Variants in ADK observed in about 807,000 individuals in gnomAD.
ADK encodes the protein N6,N6-dimethyladenosine kinase.
In ADK, 24 loss-of-function variants were observed where a neutral mutation model predicts 44.7. The ratio of observed to expected loss-of-function variants is 0.54; its 90% CI spans 0.39 to 0.76. The LOEUF (loss-of-function observed/expected upper bound fraction) is 0.76, where lower values mean the gene tolerates loss of function less well. Ranked by LOEUF, ADK falls within the 30% of genes least tolerant of loss-of-function variation. ADK has a pLI of 0.00. For synonymous variants in ADK, 128 were observed against 142.6 expected, an observed-to-expected ratio of 0.90 and a Z score of 0.73; for missense variants, 321 against 425.1, an observed-to-expected ratio of 0.76 and a Z score of 2.15.
At chr10:74,523,729 A>G (rs530648461) in intron 6 of ADK, among the ~76,000 whole-genome samples, 2 of 152,338 alleles carry the variant, frequency 1.3e-5, no homozygotes, top group East Asian at 1.9e-4. Flanking sequence ...TATTAATGGT[A>G]GAACCAGATT....
At chr10:74,336,830 T>C (rs1175186078) in intron 4 of ADK, among the ~76,000 whole-genome samples, 2 of 152,136 alleles carry the variant, frequency 1.3e-5, no homozygotes, top group Non-Finnish European at 2.9e-5. Flanking sequence ...CTATAAATGC[T>C]AAGTAAATAC....
chr10:74,223,817 G>A lies in ADK; in HGVS notation c.141-721G>A, dbSNP rs1382398084. ...AACTCCAAAACTTGAGGCCGGGTAC[G>A]GTGACTCATGCCAGTAATCCCAGCA... is the stretch of plus-strand genomic sequence containing the variant. On this transcript the variant is annotated intron_variant, in intron 2 of 10. Coordinates refer to ENST00000539909, the MANE Select transcript of ADK (RefSeq NM_006721.4). Among the ~76,000 whole-genome samples the A allele has an allele frequency of 4.6e-5, 7 of 152,186 alleles. No individual in the cohort carries two copies. The East Asian group carries it at 9.7e-4, about 21-fold the overall frequency.
At chr10:74,594,671 TAAA>T (rs10709030) in intron 8 of ADK, among the ~76,000 whole-genome samples, 10 of 131,442 alleles carry the variant, frequency 7.6e-5, no homozygotes, top group African/African-American at 1.6e-4. Context: ...TACAAATAGG[TAAA>T]AAAAAAAAAA....
chr10:74,296,403 A>G (rs1272606628), intron 3 of ADK, among the ~76,000 whole-genome samples: 1 of 152,142 alleles, frequency 6.6e-6, no homozygotes, highest in Non-Finnish European at 1.5e-5. Context: ...GCAGTAAAAC[A>G]TATGAAAGGA....
At chr10:74,538,836 C>T (rs1420421817) in intron 7 of ADK, among the ~76,000 whole-genome samples, 1 of 152,044 alleles carries the variant, frequency 6.6e-6, no homozygotes, top group Non-Finnish European at 1.5e-5. Context: ...TAATTTGAAA[C>T]CATCAATTCT....
rs111416987 is a variant in ADK at position 74,249,714 on chromosome 10, A to G, written c.194+25123A>G. Among the ~76,000 whole-genome samples the G allele has an allele frequency of 1.6e-4, 24 of 152,328 alleles. 2 individuals are homozygous for G. The highest frequency in any genetic ancestry group is 5.1e-4 in the African/African-American group (21 of 41,578). ...TAGAATCTTGCTCTTAGATACACAG[A>G]TATGTGTGATGTTTAAATAGTTGAG... On this transcript the variant is annotated intron_variant, in intron 3 of 10. Coordinates refer to ENST00000539909, the MANE Select transcript of ADK (RefSeq NM_006721.4).
At chr10:74,215,499 T>G (rs1843978252) in intron 2 of ADK, among the ~76,000 whole-genome samples, 1 of 151,386 alleles carries the variant, frequency 6.6e-6, no homozygotes, top group East Asian at 2.0e-4. Context: ...TTAGTAGAGA[T>G]GGGGTTTTGC....
intron 2 of ADK, among the ~76,000 whole-genome samples, 184 bp downstream of exon 2, chr10:74,201,022 G>A (rs1281544693): frequency 6.6e-6 from 1 of 152,126 alleles, no homozygotes; most frequent in East Asian, 1.9e-4. Flanking sequence ...TTTTCCTTGG[G>A]AAAACTTATA....
chr10:74,340,353 ATAATTTTTGAG>A (rs1237310521), intron 4 of ADK, among the ~76,000 whole-genome samples: 2 of 152,102 alleles, frequency 1.3e-5, no homozygotes, highest in African/African-American at 2.4e-5. Flanking sequence ...ATATTCCCAT[ATAATTTTTGAG>A]TAGTATGACA....
rs144903627 is a variant in ADK at position 74,437,717 on chromosome 10, A to T, written c.555+39138A>T. On this transcript the variant is annotated intron_variant, in intron 6 of 10. Coordinates refer to ENST00000539909, the MANE Select transcript of ADK (RefSeq NM_006721.4). The stretch of plus-strand genomic sequence containing the variant: ...ACAGAATAGCTGGAGTGGCCTTTTA[A>T]AAATGCAAACCAGCATAAAACATTT... Among the ~76,000 whole-genome samples the T allele has an allele frequency of 6.1e-4, 93 of 152,334 alleles. 1 individual carries two copies. Among genetic ancestry groups the T allele is most frequent in the African/African-American group, 2.0e-3 (85 of 41,576 alleles).
At chr10:74,698,946 A>G (rs903136830) in intron 10 of ADK, among the ~76,000 whole-genome samples, 1 of 151,034 alleles carries the variant, frequency 6.6e-6, no homozygotes, top group Non-Finnish European at 1.5e-5. Context: ...CTCCCACCTC[A>G]AGCAGTCCTT....
intron 1 of ADK, among the ~76,000 whole-genome samples, chr10:74,188,080 G>T (rs868307476): frequency 1.3e-5 from 2 of 152,196 alleles, no homozygotes; most frequent in East Asian, 1.9e-4. Context: ...AAGCATTCAG[G>T]TTCTTCACTT....
At chr10:74,522,929 C>T (rs910258266) in intron 6 of ADK, among the ~76,000 whole-genome samples, 1 of 152,098 alleles carries the variant, frequency 6.6e-6, no homozygotes, top group South Asian at 2.1e-4. Flanking sequence ...CTTTCCCTGC[C>T]CTTAAAAGCA....
At chr10:74,501,655 T>G (rs1322710275) in intron 6 of ADK, among the ~76,000 whole-genome samples, 3 of 152,150 alleles carry the variant, frequency 2.0e-5, no homozygotes, top group Non-Finnish European at 4.4e-5. Context: ...ATCCATACAA[T>G]GGAATATCAT....
At position 74,243,643 on chromosome 10, in the gene ADK, G is replaced by A. The variant is rs1845307790; in HGVS notation, c.194+19052G>A. The stretch of plus-strand genomic sequence containing the variant: ...TGCCTGTAATCCCAGCACTTTGGGA[G>A]GTTGAGGCCAGGAGTTCGAGACCAG... On this transcript the variant is annotated intron_variant, in intron 3 of 10. Coordinates refer to ENST00000539909, the MANE Select transcript of ADK (RefSeq NM_006721.4). Among the ~76,000 whole-genome samples, 6 of 152,270 alleles carry A rather than the reference G, an allele frequency of 3.9e-5. No homozygotes were observed. In the South Asian group the frequency reaches 1.0e-3, roughly 26 times the overall value.
At chr10:74,470,148 C>T (rs998611748) in intron 6 of ADK, among the ~76,000 whole-genome samples, 7 of 151,740 alleles carry the variant, frequency 4.6e-5, no homozygotes, top group African/African-American at 9.7e-5. Context: ...CCTCAGCCTC[C>T]GGAGTAGCTG....
intron 4 of ADK, among the ~76,000 whole-genome samples, chr10:74,376,121 A>G (rs1357483944): frequency 6.6e-6 from 1 of 151,994 alleles, no homozygotes; most frequent in East Asian, 1.9e-4. Context: ...TGATCTGTAT[A>G]TTAGTACCAA....
intron 6 of ADK, among the ~76,000 whole-genome samples, chr10:74,421,940 A>C (rs1465120294): frequency 6.6e-6 from 1 of 152,162 alleles, no homozygotes; most frequent in Non-Finnish European, 1.5e-5. Context: ...AATGGAGGAG[A>C]AGAGATAAAT....
At chr10:74,514,311 G>C (rs1398859517) in intron 6 of ADK, among the ~76,000 whole-genome samples, 1 of 152,112 alleles carries the variant, frequency 6.6e-6, no homozygotes, top group Non-Finnish European at 1.5e-5. Context: ...GAATATATTT[G>C]AGCTTTCTCG....
Sources: allele counts gnomAD v4.1 joint callset (sites outside exome capture counted in the v4.1 genomes callset), GRCh38; gene constraint gnomAD v4.1.1; transcripts MANE v1.5; gene names NCBI Gene and HGNC (gene_info 2026-07-23, HGNC 2026-07-21).